PSMB1: variants seen among roughly 807,000 people sequenced by gnomAD.
PSMB1 encodes proteasome subunit beta type-1.
A neutral mutation model predicts 25.4 loss-of-function variants in PSMB1; 7 were observed. The observed-to-expected ratio is 0.28, with a 90% CI of 0.16 to 0.52. The LOEUF is 0.52. Ranked by LOEUF, PSMB1 falls within the 20% of genes least tolerant of loss-of-function variation. The pLI, the probability that PSMB1 is intolerant of heterozygous loss-of-function variation, is 0.97. For missense variants in PSMB1, 284 were observed against 302.2 expected (o/e 0.94, Z 0.45); for synonymous variants, 119 against 115.0 (o/e 1.03, Z -0.22).
chr6:170,547,600 G>A (rs567286770), intron 2 of PSMB1, among the ~76,000 whole-genome samples: 5 of 152,258 alleles, frequency 3.3e-5, no homozygotes, highest in East Asian at 1.9e-4. Context: ...AGGTGAAGAC[G>A]TCCAATCCCC....
At position 170,549,115 on chromosome 6, in the gene PSMB1, T is replaced by C. The variant is rs142054899; in HGVS notation, c.114-2A>G. On this transcript the variant is annotated splice_acceptor_variant, in intron 1 of 5. Transcript: ENST00000262193. LOFTEE classifies it high-confidence loss of function. ...TCTCCAGCAATTGCCAGTATAGTACTGAGGAAAAAAGAAAAAAATTAATTC... is the reference window on the plus strand; with the variant it reads ...TCTCCAGCAATTGCCAGTATAGTACCGAGGAAAAAAGAAAAAAATTAATTC... 6.3e-7 allele frequency: 1 copy of C among 1,595,150 alleles called. No individual in the cohort carries two copies. Among genetic ancestry groups the C allele is most frequent in the Non-Finnish European group, 8.6e-7 (1 of 1,164,438 alleles).
intron 3 of PSMB1, among the ~76,000 whole-genome samples, chr6:170,544,608 C>T (rs948743904): frequency 3.9e-5 from 6 of 151,958 alleles, no homozygotes; most frequent in East Asian, 1.9e-4. Context: ...CCAACTGAGG[C>T]GGGAGAATGT....
At chr6:170,553,079 G>A (rs1351218113) in intron 1 of PSMB1, 51 bp downstream of exon 1, 2 of 1,479,812 alleles carry the variant, frequency 1.4e-6, no homozygotes, top group East Asian at 2.4e-5. Flanking sequence ...ATAGGCTTCA[G>A]CAGATGGGGG....
Position 170,553,271 on chromosome 6 carries a change from T to G in PSMB1, c.-29A>C. On this transcript the variant is annotated 5_prime_UTR_variant, in exon 1 of 6. Coordinates refer to ENST00000262193, the MANE Select transcript of PSMB1 (RefSeq NM_002793.4). ...ACGGCTGCGCCTGCGGATCCGACAC[T>G]TGCTGTCTCACGGCGAGATGGCTGC... 6.5e-7 allele frequency: 1 copy of G among 1,546,030 alleles called. No individual in the cohort carries two copies. The highest frequency in any genetic ancestry group is 8.9e-7 in the Non-Finnish European group (1 of 1,126,788).
intron 4 of PSMB1, among the ~76,000 whole-genome samples, chr6:170,542,256 T>A (rs936883371): frequency 2.6e-5 from 4 of 152,134 alleles, no homozygotes; most frequent in African/African-American, 9.7e-5. Flanking sequence ...GAGTCAGAGA[T>A]AGCGCACGCA....
In PSMB1 at chr6:170,549,009, T is replaced by C. The variant is rs771379615; in HGVS notation, c.218A>G (p.Lys73Arg). The change falls in exon 2 of 6, where the codon AAA becomes AGA. Residue 73 changes from lysine (K) to arginine (R), a missense_variant. Coordinates refer to ENST00000262193, the MANE Select transcript of PSMB1 (RefSeq NM_002793.4). Reference sequence around the variant, plus strand: ...GTCTTTAGAAATATTTACTTACAATTTGTAACATTTGGGGCTATCCCGCGT... The same window carrying C: ...GTCTTTAGAAATATTTACTTACAATCTGTAACATTTGGGGCTATCCCGCGT... The part of the protein sequence containing the change: ...IHTRDSPKCY[K>R]LTDKTVIGCS... 1.3e-5 allele frequency: 21 copies of C among 1,594,076 alleles called. No homozygotes were observed. The highest frequency in any genetic ancestry group is 3.3e-4 in the Middle Eastern group (2 of 6,062).
chr6:170,547,609 C>T (rs866799770), intron 2 of PSMB1, among the ~76,000 whole-genome samples: 4 of 152,164 alleles, frequency 2.6e-5, no homozygotes, highest in African/African-American at 9.7e-5. Flanking sequence ...CGTCCAATCC[C>T]CTATAAGGCT....
Position 170,536,180 on chromosome 6 carries a change from G to GC in PSMB1, c.541-776dup, listed in dbSNP as rs1207999224. On this transcript the variant is annotated intron_variant, in intron 5 of 5. Transcript: ENST00000262193. ...CACACTGAGAAGTTTTTGGAGACTC[G>GC]CAACACTTTGAAAAACTCAGATGAG... 1.2e-5 allele frequency: 4 copies of GC among 321,716 alleles called. No individual in the cohort carries two copies. In the Admixed American group the frequency reaches 1.3e-4, roughly 10 times the overall value. The allele number at this position is 321,716 out of a possible 1,614,324, so 19.9% of individuals were successfully genotyped here. A position where few individuals can be genotyped will look rare whatever the true frequency, so the allele number is the denominator to read the frequency against.
At chr6:170,542,111 CT>C (rs1175057535) in intron 4 of PSMB1, among the ~76,000 whole-genome samples, 1 of 152,160 alleles carries the variant, frequency 6.6e-6, no homozygotes, top group Non-Finnish European at 1.5e-5. Context: ...CTACACTTTA[CT>C]TTTTCTCTTG....
intron 4 of PSMB1, among the ~76,000 whole-genome samples, chr6:170,542,382 A>C (rs1778767726): frequency 6.6e-6 from 1 of 152,066 alleles, no homozygotes; most frequent in African/African-American, 2.4e-5. Flanking sequence ...TAGGGTCCCC[A>C]GTCCCCTTGC....
chr6:170,536,736 G>T (rs1344437024), intron 5 of PSMB1, among the ~76,000 whole-genome samples: 1 of 152,106 alleles, frequency 6.6e-6, no homozygotes, highest in Non-Finnish European at 1.5e-5. Flanking sequence ...TATTGGCAAG[G>T]CTTCCAGTCA....
At chr6:170,538,756 G>A (rs770210647) in intron 4 of PSMB1, among the ~76,000 whole-genome samples, 2 of 152,178 alleles carry the variant, frequency 1.3e-5, no homozygotes, top group Non-Finnish European at 2.9e-5. Flanking sequence ...CACCATCTGA[G>A]GTCACCTAAG....
At position 170,535,410 on chromosome 6, in the gene PSMB1, T is replaced by C. The variant is rs981718135; in HGVS notation, c.541-5A>G. 1.2e-6 allele frequency: 2 copies of C among 1,610,152 alleles called. No homozygotes were observed. The highest frequency in any genetic ancestry group is 4.5e-5 in the East Asian group (2 of 44,848). Reference sequence around the variant, plus strand: ...CTGCATGTTCTTAAAACCAACCTGGTGGGACATGAAACTTGGGTGAGATGT... The same window carrying C: ...CTGCATGTTCTTAAAACCAACCTGGCGGGACATGAAACTTGGGTGAGATGT... On this transcript the variant is annotated splice_region_variant and splice_polypyrimidine_tract_variant and intron_variant, in intron 5 of 5. Coordinates refer to ENST00000262193, the MANE Select transcript of PSMB1 (RefSeq NM_002793.4).
chr6:170,549,180 T>G, intron 1 of PSMB1, 67 bp from the exon 2 acceptor site: 4 of 877,128 alleles, frequency 4.6e-6, no homozygotes, highest in Non-Finnish European at 5.6e-6. Context: ...AGAAGAATGC[T>G]CCATAGTACA....
In PSMB1 at chr6:170,545,180, C is replaced by T. The variant is rs183004317; in HGVS notation, c.303+923G>A. On this transcript the variant is annotated intron_variant, in intron 3 of 5. Coordinates refer to ENST00000262193, the MANE Select transcript of PSMB1 (RefSeq NM_002793.4). Reference sequence around the variant, plus strand: ...AAAAAAATTTCATTCCATTTCATTTCGAAACCAAGCACCAACATTTATTTA... The same window carrying T: ...AAAAAAATTTCATTCCATTTCATTTTGAAACCAAGCACCAACATTTATTTA... 1.7e-3 allele frequency among the ~76,000 whole-genome samples: 255 copies of T among 151,572 alleles called. 3 individuals carry two copies. The highest frequency in any genetic ancestry group is 5.8e-3 in the African/African-American group (238 of 41,324).
chr6:170,546,424 AT>A (rs1157395913), intron 2 of PSMB1, among the ~76,000 whole-genome samples: 2 of 151,984 alleles, frequency 1.3e-5, no homozygotes, highest in Admixed American at 6.6e-5. Flanking sequence ...TCATGGGTGA[AT>A]TTTTTTTACT....
chr6:170,548,411 T>A (rs79115436), intron 2 of PSMB1, among the ~76,000 whole-genome samples: 315 of 152,326 alleles, frequency 2.1e-3, no homozygotes, highest in African/African-American at 7.5e-3. Context: ...GTTTTGGCTT[T>A]ATTTTCATGT....
intron 1 of PSMB1, among the ~76,000 whole-genome samples, chr6:170,550,620 CTGACAATAACATAGTA>C (rs1430074912): frequency 6.6e-6 from 1 of 152,116 alleles, no homozygotes; most frequent in Non-Finnish European, 1.5e-5. Flanking sequence ...GAAGACTGCT[CTGACAATAACATAGTA>C]TGTGAAATGG....
intron 4 of PSMB1, among the ~76,000 whole-genome samples, chr6:170,538,515 A>G (rs1316500068): frequency 1.3e-5 from 2 of 152,174 alleles, no homozygotes; most frequent in African/African-American, 4.8e-5. Flanking sequence ...CCTGGCCAAC[A>G]CAGTGAAACC....
Sources: allele counts gnomAD v4.1 joint callset (sites outside exome capture counted in the v4.1 genomes callset), GRCh38; gene constraint gnomAD v4.1.1; transcripts MANE v1.5; gene names NCBI Gene and HGNC (gene_info 2026-07-23, HGNC 2026-07-21).